Variants in AK4 observed in about 807,000 individuals in gnomAD.
AK4 encodes adenylate kinase 4, mitochondrial.
AK4 carries 13 observed loss-of-function variants against 24.6 expected under a neutral mutation model. The ratio of observed to expected loss-of-function variants is 0.53; its 90% CI spans 0.34 to 0.84. The LOEUF (loss-of-function observed/expected upper bound fraction) is 0.84. Ranked by LOEUF, AK4 falls within the 40% of genes least tolerant of loss-of-function variation. The pLI, the probability that AK4 is intolerant of heterozygous loss-of-function variation, is 0.01. For synonymous variants in AK4, 88 were observed against 107.0 expected (o/e 0.82, Z 1.10); for missense variants, 192 against 288.2 (o/e 0.67, Z 2.42).
rs369816011 is a variant in AK4 at position 65,177,934 on chromosome 1, G to A, written c.146-12776G>A. On this transcript the variant is annotated intron_variant, in intron 1 of 4. Transcript: ENST00000327299. ...TGCCAAAGAATCAGACTATAAGATA[G>A]CATTTAAAAAAAAAAAACATTGCTG... 3.5e-4 allele frequency among the ~76,000 whole-genome samples: 43 copies of A among 124,100 alleles called. 1 individual carries two copies. Among genetic ancestry groups the A allele is most frequent in the African/African-American group, 1.5e-3 (43 of 28,190 alleles). 81.4% of individuals were successfully genotyped at this position (124,100 alleles called of 152,430 possible).
rs12036828 is a variant in AK4 at position 65,175,037 on chromosome 1, C to A, written c.146-15673C>A. ...ACATTTTAAGAATGTATAATATTTT[C>A]TCTTTTTGTGTGCCACTTTTTATTT... On this transcript the variant is annotated intron_variant, in intron 1 of 4. Coordinates refer to ENST00000327299, the MANE Select transcript of AK4 (RefSeq NM_013410.4). 2.0e-5 allele frequency among the ~76,000 whole-genome samples: 3 copies of A among 152,218 alleles called. No homozygotes were observed. In the East Asian group the frequency reaches 5.8e-4, roughly 29 times the overall value.
chr1:65,217,531 T>G (rs1379967093), intron 2 of AK4, among the ~76,000 whole-genome samples: 2 of 152,218 alleles, frequency 1.3e-5, no homozygotes, highest in Non-Finnish European at 2.9e-5. Flanking sequence ...AAAATGATAG[T>G]AGATCCAGCA....
At chr1:65,180,029 G>A (rs1369145642) in intron 1 of AK4, among the ~76,000 whole-genome samples, 1 of 152,152 alleles carries the variant, frequency 6.6e-6, no homozygotes, top group African/African-American at 2.4e-5. Context: ...GGAAACGGAG[G>A]CACAAACTTG....
chr1:65,207,588 G>A (rs1043987799), intron 2 of AK4, among the ~76,000 whole-genome samples: 4 of 150,624 alleles, frequency 2.7e-5, no homozygotes, highest in African/African-American at 9.8e-5. Flanking sequence ...TTCATTTTAG[G>A]TTTAGGGGAT....
chr1:65,205,569 C>A (rs190515419), intron 2 of AK4, among the ~76,000 whole-genome samples: 1 of 152,064 alleles, frequency 6.6e-6, no homozygotes, highest in Admixed American at 6.5e-5. Context: ...TTTTTTTCAC[C>A]CCGTATAGAC....
chr1:65,172,742 C>T (rs77603267), intron 1 of AK4, among the ~76,000 whole-genome samples: 11,724 of 151,782 alleles, frequency 0.077, 663 homozygotes, highest in Admixed American at 0.22. Context: ...TTTATCAGCT[C>T]GTTCTTAGAT....
intron 1 of AK4, among the ~76,000 whole-genome samples, chr1:65,171,174 T>C (rs1650509228): frequency 6.9e-6 from 1 of 145,754 alleles, no homozygotes; most frequent in African/African-American, 2.6e-5. Context: ...TTTCCCAGGC[T>C]GGTCTGGAAG....
chr1:65,220,205 G>A (rs1174804293), intron 3 of AK4, among the ~76,000 whole-genome samples: 1 of 152,200 alleles, frequency 6.6e-6, no homozygotes, highest in Non-Finnish European at 1.5e-5. Context: ...CACGTGCAGA[G>A]TTTTGTGCAA....
intron 1 of AK4, among the ~76,000 whole-genome samples, chr1:65,185,834 C>A (rs563665404): frequency 7.1e-4 from 108 of 152,156 alleles, no homozygotes; most frequent in African/African-American, 2.1e-3. Flanking sequence ...AGGCTGGTCT[C>A]AAACTCCTGA....
At chr1:65,168,739 A>G (rs1237414156) in intron 1 of AK4, among the ~76,000 whole-genome samples, 1 of 152,336 alleles carries the variant, frequency 6.6e-6, no homozygotes, top group East Asian at 1.9e-4. Context: ...TTCAGAACGT[A>G]CCAGCTACTC....
At position 65,148,296 on chromosome 1, in the gene AK4, A is replaced by T; in HGVS notation, c.-112A>T. 10 of 1,410,198 alleles carry T rather than the reference A, an allele frequency of 7.1e-6. No individual in the cohort carries two copies. Among genetic ancestry groups the T allele is most frequent in the Non-Finnish European group, 9.3e-6 (10 of 1,071,732 alleles). The allele number at this position is 1,410,198 out of a possible 1,614,324, so 87.4% of individuals were successfully genotyped here. A position where few individuals can be genotyped will look rare whatever the true frequency, so the allele number is the denominator to read the frequency against. On this transcript the variant is annotated 5_prime_UTR_variant, in exon 1 of 5. Coordinates refer to ENST00000327299, the MANE Select transcript of AK4 (RefSeq NM_013410.4). ...CCTGTAGGGGCGGCCGGCGAGTCCCAGTGAGAGCGGAGGGTGCCAGAGGTA... is the reference window on the plus strand; with the variant it reads ...CCTGTAGGGGCGGCCGGCGAGTCCCTGTGAGAGCGGAGGGTGCCAGAGGTA...
chr1:65,178,755 C>T (rs576928099), intron 1 of AK4, among the ~76,000 whole-genome samples: 1 of 152,280 alleles, frequency 6.6e-6, no homozygotes, highest in South Asian at 2.1e-4. Context: ...CGTCTTTCCT[C>T]CACGAGTCTG....
intron 2 of AK4, among the ~76,000 whole-genome samples, chr1:65,193,622 G>T (rs895257360): frequency 6.6e-6 from 1 of 152,144 alleles, no homozygotes; most frequent in African/African-American, 2.4e-5. Flanking sequence ...AGGGGTGTGG[G>T]AAGGGATTGG....
chr1:65,221,984 G>A lies in AK4; in HGVS notation c.439-2768G>A, dbSNP rs78860714. Among the ~76,000 whole-genome samples, 1,125 of 152,270 alleles carry A rather than the reference G, an allele frequency of 7.4e-3. 11 individuals carry two copies. Among genetic ancestry groups the A allele is most frequent in the African/African-American group, 0.019 (793 of 41,540 alleles). On this transcript the variant is annotated intron_variant, in intron 3 of 4. Transcript: ENST00000327299. Reference sequence around the variant, plus strand: ...GAGTTTAGGAGCGGAGGTTTAATAGGCAGAAGAGAAGAGAAGAGAAAGAGA... The same window carrying A: ...GAGTTTAGGAGCGGAGGTTTAATAGACAGAAGAGAAGAGAAGAGAAAGAGA...
intron 2 of AK4, among the ~76,000 whole-genome samples, chr1:65,206,751 C>A (rs1185484545): frequency 1.3e-5 from 2 of 152,214 alleles, no homozygotes; most frequent in East Asian, 3.9e-4. Context: ...TGCCCTCCTT[C>A]CTGGGTGACA....
At chr1:65,154,349 A>G (rs536549503) in intron 1 of AK4, 1 of 341,806 alleles carries the variant, frequency 2.9e-6, no homozygotes, top group African/African-American at 2.1e-5. Context: ...TGAATGAACT[A>G]GAATGTGTCT....
intron 2 of AK4, among the ~76,000 whole-genome samples, chr1:65,207,514 C>T (rs745482459): frequency 4.6e-5 from 7 of 150,884 alleles, no homozygotes; most frequent in Non-Finnish European, 8.8e-5. Flanking sequence ...TAGGAGGAAG[C>T]ATAAACTTCA....
intron 1 of AK4, among the ~76,000 whole-genome samples, chr1:65,172,615 C>T (rs756974102): frequency 3.3e-5 from 5 of 151,964 alleles, no homozygotes; most frequent in African/African-American, 1.2e-4. Context: ...TGATTTATGA[C>T]GGAAACATCC....
intron 1 of AK4, among the ~76,000 whole-genome samples, chr1:65,177,036 A>G (rs745878644): frequency 2.4e-4 from 37 of 152,198 alleles, no homozygotes; most frequent in Non-Finnish European, 4.1e-4. Context: ...ATAATTTTTC[A>G]TTTTACTATT....
Sources: gnomAD v4.1 joint callset for allele counts (sites outside exome capture counted in the v4.1 genomes callset) on GRCh38, gnomAD v4.1.1 for gene constraint, MANE v1.5 for transcripts, NCBI Gene and HGNC (gene_info 2026-07-23, HGNC 2026-07-21) for gene names.